CAPS: variants seen among roughly 807,000 people sequenced by gnomAD.
The protein encoded by CAPS is calcyphosine, also known as calcyphosin.
Under a neutral mutation model 15.5 loss-of-function variants are expected in CAPS, and 16 were observed. The observed-to-expected ratio is 1.03, with a 90% confidence interval of 0.70 to 1.57. The LOEUF is 1.57. Ranked by LOEUF, CAPS falls within the 40% of genes most tolerant of loss-of-function variation. CAPS has a pLI of 0.00. For missense variants in CAPS, 294 were observed against 278.4 expected, an observed-to-expected ratio of 1.06 and a Z score of -0.40; for synonymous variants, 121 against 116.0, an observed-to-expected ratio of 1.04 and a Z score of -0.28.
rs751286571 is a variant in CAPS, at chr19:5,915,132, GAGA to G, written c.457_459del (p.Lys153del). On this transcript the variant is annotated inframe_deletion, in exon 4 of 5. Coordinates refer to ENST00000588776, the MANE Select transcript of CAPS (RefSeq NM_004058.5). ...CTTCCTGGACAACTTCGACTCCTCTGAGAAGGACGGGCAGGTGGGTGGCTGCGC... is the reference window on the plus strand; with the variant it reads ...CTTCCTGGACAACTTCGACTCCTCTGAGGACGGGCAGGTGGGTGGCTGCGC... 1.1e-5 allele frequency: 18 copies of G among 1,613,082 alleles called. No individual in the cohort carries two copies. Among genetic ancestry groups the G allele is most frequent in the Middle Eastern group, 1.6e-4 (1 of 6,082 alleles).
Position 5,915,681 on chromosome 19 carries a change from G to A in CAPS, c.*359G>A. The A allele has an allele frequency of 4.2e-6, 1 of 236,406 alleles. No individual in the cohort carries two copies. The highest frequency in any genetic ancestry group is 7.7e-5 in the South Asian group (1 of 13,012). 14.6% of individuals were successfully genotyped at this position (236,406 alleles called of 1,614,324 possible). The stretch of plus-strand genomic sequence containing the variant: ...CCCTTGCGGGTCCCCCAGGAAGCCA[G>A]GTGACCCCAGGTGGGAGGCTGTGTG... On this transcript the variant is annotated 3_prime_UTR_variant, in exon 5 of 5. Transcript: ENST00000588776.
chr19:5,914,589 G>A lies in CAPS; in HGVS notation c.110G>A (p.Gly37Glu). 1 of 1,611,724 alleles carries A rather than the reference G, an allele frequency of 6.2e-7. No homozygotes were observed. Among genetic ancestry groups the A allele is most frequent in the Non-Finnish European group, 8.5e-7 (1 of 1,178,474 alleles). Reference protein sequence around the residue: ...ARFFRQLDRDGSRSLDADEFR... With the variant: ...ARFFRQLDRDESRSLDADEFR... ...TTTTTCCGCCAACTAGACCGGGACG[G>A]GAGCAGATCCCTGGACGCTGATGAG... Residue 37 changes from glycine to glutamate, a missense_variant, in exon 3 of 5, where the codon GGG (glycine) becomes GAG (glutamate). Transcript: ENST00000588776.
Position 5,914,488 on chromosome 19 carries a change from A to G in CAPS, c.82A>G (p.Arg28Gly), listed in dbSNP as rs771160421. 6.2e-7 allele frequency: 1 copy of G among 1,610,528 alleles called. No individual in the cohort carries two copies. Among genetic ancestry groups the G allele is most frequent in the East Asian group, 2.2e-5 (1 of 44,798 alleles). Residue 28 changes from arginine to glycine, a missense_variant and splice_region_variant, in exon 2 of 5, where the codon AGG becomes GGG. Physicochemically the swap from Arg to Gly is moderately radical, Grantham distance 125. Coordinates refer to ENST00000588776, the MANE Select transcript of CAPS (RefSeq NM_004058.5). Reference protein sequence around the residue: ...RGASGIQGLARFFRQLDRDGS... With the variant: ...RGASGIQGLAGFFRQLDRDGS... Reference sequence around the variant, plus strand: ...GGCCTCGGGCATCCAGGGCCTGGCCAGGTGAGCTGTCCCCTCTCACCTTCC... The same window carrying G: ...GGCCTCGGGCATCCAGGGCCTGGCCGGGTGAGCTGTCCCCTCTCACCTTCC...
At position 5,914,429 on chromosome 19, in the gene CAPS, T is replaced by C. The variant is rs985253258; in HGVS notation, c.23T>C (p.Met8Thr). The part of the protein sequence containing the change: MDAVDAT[M>T]EKLRAQCLSR... ...AGCATGGACGCCGTGGATGCCACCA[T>C]GGAGAAACTCCGGGCACAGTGCCTG... The change falls in exon 2 of 5, where the codon ATG becomes ACG. Residue 8 changes from methionine (M) to threonine (T), a missense_variant. By Grantham distance (81) the Met-to-Thr change is moderately conservative. Coordinates refer to ENST00000588776, the MANE Select transcript of CAPS (RefSeq NM_004058.5). 4 of 1,613,106 alleles carry C rather than the reference T, an allele frequency of 2.5e-6. No individual in the cohort carries two copies. Among genetic ancestry groups the C allele is most frequent in the Non-Finnish European group, 2.5e-6 (3 of 1,179,954 alleles).
chr19:5,914,892 G>A (rs2057718384), intron 3 of CAPS, 48 bp from the exon 4 acceptor site: 1 of 1,570,696 alleles, frequency 6.4e-7, no homozygotes, highest in Non-Finnish European at 8.6e-7. Flanking sequence ...GCGTCTTGGG[G>A]GTTTGGGTGT....
At position 5,915,161 on chromosome 19, in the gene CAPS, G is replaced by T. The variant is rs774366755; in HGVS notation, c.468+15G>T. 1 of 1,611,374 alleles carries T rather than the reference G, an allele frequency of 6.2e-7. No homozygotes were observed. The highest frequency in any genetic ancestry group is 8.5e-7 in the Non-Finnish European group (1 of 1,178,868). ...AGGACGGGCAGGTGGGTGGCTGCGC[G>T]GGGGGCCCCCTCCCCAGGCAGTTCC... is the stretch of plus-strand genomic sequence containing the variant. On this transcript the variant is annotated intron_variant, in intron 4 of 4. Coordinates refer to ENST00000588776, the MANE Select transcript of CAPS (RefSeq NM_004058.5).
At chr19:5,914,825 C>CT in intron 3 of CAPS, 85 bp downstream of exon 3, 23 of 1,543,116 alleles carry the variant, frequency 1.5e-5, no homozygotes, top group Non-Finnish European at 2.0e-5. Context: ...GGACTCCTCC[C>CT]TAAGAGCTGC....
Position 5,915,310 on chromosome 19 carries a change from C to T in CAPS, c.558C>T (p.Ala186=), listed in dbSNP as rs779105229. Residue 186 remains alanine, a synonymous_variant, in exon 5 of 5, where the codon GCC becomes GCT. Coordinates refer to ENST00000588776, the MANE Select transcript of CAPS (RefSeq NM_004058.5). ...DEEFVAMMTS[A]WQL ...AGTTCGTGGCCATGATGACCAGTGC[C>T]TGGCAGCTGTGAGCAGCTCCGGCTC... The T allele has an allele frequency of 2.5e-6, 4 of 1,609,902 alleles. No individual in the cohort carries two copies. In the South Asian group the frequency reaches 4.4e-5, roughly 18 times the overall value.
chr19:5,915,331 G>A lies in CAPS; in HGVS notation c.*9G>A, dbSNP rs531295422. 28 of 1,592,752 alleles carry A rather than the reference G, an allele frequency of 1.8e-5. No homozygotes were observed. The highest frequency in any genetic ancestry group is 2.7e-5 in the African/African-American group (2 of 74,674). On this transcript the variant is annotated 3_prime_UTR_variant, in exon 5 of 5. Coordinates refer to ENST00000588776, the MANE Select transcript of CAPS (RefSeq NM_004058.5). ...GTGCCTGGCAGCTGTGAGCAGCTCCGGCTCAGCCCTGCTGCCCTGGCCTGT... is the reference window on the plus strand; with the variant it reads ...GTGCCTGGCAGCTGTGAGCAGCTCCAGCTCAGCCCTGCTGCCCTGGCCTGT...
chr19:5,915,283 G>A lies in CAPS; in HGVS notation c.531G>A (p.Glu177=), dbSNP rs2057724560. ...SGVSASMNTD[E]EFVAMMTSAW... ...TGAGTGCCTCCATGAACACGGATGA[G>A]GAGTTCGTGGCCATGATGACCAGTG... Residue 177 remains glutamate (E), a synonymous_variant, in exon 5 of 5, where the codon GAG becomes GAA. Coordinates refer to ENST00000588776, the MANE Select transcript of CAPS (RefSeq NM_004058.5). 1 of 1,612,380 alleles carries A rather than the reference G, an allele frequency of 6.2e-7. No individual in the cohort carries two copies. Among genetic ancestry groups the A allele is most frequent in the South Asian group, 1.1e-5 (1 of 91,038 alleles).
At position 5,914,951 on chromosome 19, in the gene CAPS, C is replaced by A; in HGVS notation, c.273C>A (p.Ser91=). The change falls in exon 4 of 5, where the codon TCC becomes TCA. Residue 91 remains serine (S), a synonymous_variant. Transcript: ENST00000588776. ...EFLRALRPPM[S]QAREAVIAAA... ...ACCTCCTGTCCCAGCCCCCCATGTC[C>A]CAGGCCCGGGAGGCTGTCATCGCAG... 1 of 1,604,928 alleles carries A rather than the reference C, an allele frequency of 6.2e-7. No homozygotes were observed.
At position 5,915,501 on chromosome 19, in the gene CAPS, T is replaced by TG. The variant is rs1568439028; in HGVS notation, c.*182dup. The TG allele has an allele frequency of 5.1e-6, 3 of 593,558 alleles. No homozygotes were observed. The highest frequency in any genetic ancestry group is 9.0e-6 in the Non-Finnish European group (3 of 334,532). 36.8% of individuals were successfully genotyped at this position (593,558 alleles called of 1,614,324 possible). A position where few individuals can be genotyped will look rare whatever the true frequency, so the allele number is the denominator to read the frequency against. ...TCCCTGCCGGTCCACCAGGCGGAGG[T>TG]GGGACAAAGGTCCTAACAGGAGTCA... On this transcript the variant is annotated 3_prime_UTR_variant, in exon 5 of 5. Transcript: ENST00000588776.
At position 5,914,447 on chromosome 19, in the gene CAPS, A is replaced by T. The variant is rs752715999; in HGVS notation, c.41A>T (p.Gln14Leu). The T allele has an allele frequency of 1.9e-6, 3 of 1,612,978 alleles. No homozygotes were observed. In the East Asian group the frequency reaches 6.7e-5, roughly 36 times the overall value. The change falls in exon 2 of 5, where the codon CAG becomes CTG. Residue 14 changes from glutamine (Q) to leucine (L), a missense_variant. Coordinates refer to ENST00000588776, the MANE Select transcript of CAPS (RefSeq NM_004058.5). ...VDATMEKLRA[Q>L]CLSRGASGIQ... ...GCCACCATGGAGAAACTCCGGGCAC[A>T]GTGCCTGTCCCGCGGGGCCTCGGGC...
Position 5,915,542 on chromosome 19 carries a change from AG to A in CAPS, c.*223del. 2 of 535,590 alleles carry A rather than the reference AG, an allele frequency of 3.7e-6. No homozygotes were observed. Among genetic ancestry groups the A allele is most frequent in the South Asian group, 2.5e-5 (1 of 40,330 alleles). The allele number at this position is 535,590 out of a possible 1,614,324, so 33.2% of individuals were successfully genotyped here. On this transcript the variant is annotated 3_prime_UTR_variant, in exon 5 of 5. Transcript: ENST00000588776. The stretch of plus-strand genomic sequence containing the variant: ...ACAGGAGTCACTGGCTCAGGACCCC[AG>A]GGAGAAACGCTCTCCCCACCCACGC...
intron 3 of CAPS, 40 bp downstream of exon 3, chr19:5,914,780 A>G (rs760179767): frequency 6.3e-7 from 1 of 1,580,906 alleles, no homozygotes; most frequent in South Asian, 1.2e-5. Context: ...TGCCCTGGGC[A>G]TGGGGCGACA....
Position 5,915,022 on chromosome 19 carries a change from T to A in CAPS, c.344T>A (p.Val115Glu). Residue 115 changes from valine to glutamate, a missense_variant, in exon 4 of 5, where the codon GTG becomes GAG. Physicochemically the swap from Val to Glu is moderately radical, Grantham distance 121. Transcript: ENST00000588776. ...LDRSGDGVVT[V>E]DDLRGVYSGR... ...CGCAGTGGGGACGGCGTCGTGACGG[T>A]GGACGACCTCCGCGGGGTGTACAGT... 1.2e-6 allele frequency: 2 copies of A among 1,612,346 alleles called. No individual in the cohort carries two copies. The highest frequency in any genetic ancestry group is 1.7e-6 in the Non-Finnish European group (2 of 1,179,912).
chr19:5,915,935 G>GCAGACCGGCGGGGC lies in CAPS; in HGVS notation c.*615_*628dup, dbSNP rs1250599491. 1 of 153,586 alleles carries GCAGACCGGCGGGGC rather than the reference G, an allele frequency of 6.5e-6. No homozygotes were observed. The highest frequency in any genetic ancestry group is 2.0e-4 in the South Asian group (1 of 4,898). The allele number at this position is 153,586 out of a possible 1,614,324, so 9.5% of individuals were successfully genotyped here. On this transcript the variant is annotated 3_prime_UTR_variant, in exon 5 of 5. Transcript: ENST00000588776. ...CCGAGGCTGGGAGCTCTGGGCGGGG[G>GCAGACCGGCGGGGC]CAGACCGGCGGGGCCTTGCAGCAGG...
chr19:5,914,947 TGTC>T lies in CAPS; in HGVS notation c.270_272del (p.Met90_Ser91delinsIle). The T allele has an allele frequency of 3.7e-6, 6 of 1,604,224 alleles. No individual in the cohort carries two copies. Among genetic ancestry groups the T allele is most frequent in the Non-Finnish European group, 5.1e-6 (6 of 1,179,296 alleles). On this transcript the variant is annotated inframe_deletion, in exon 4 of 5. Transcript: ENST00000588776. ...CACCACCTCCTGTCCCAGCCCCCCATGTCCCAGGCCCGGGAGGCTGTCATCGCA... is the reference window on the plus strand; with the variant it reads ...CACCACCTCCTGTCCCAGCCCCCCATCCAGGCCCGGGAGGCTGTCATCGCA...
Position 5,914,969 on chromosome 19 carries a change from C to T in CAPS, c.291C>T (p.Val97=). Residue 97 remains valine, a synonymous_variant, in exon 4 of 5, where the codon GTC becomes GTT. Coordinates refer to ENST00000588776, the MANE Select transcript of CAPS (RefSeq NM_004058.5). Reference sequence around the variant, plus strand: ...CCATGTCCCAGGCCCGGGAGGCTGTCATCGCAGCTGCATTTGCCAAGCTGG... The same window carrying T: ...CCATGTCCCAGGCCCGGGAGGCTGTTATCGCAGCTGCATTTGCCAAGCTGG... ...RPPMSQAREA[V]IAAAFAKLDR... 1 of 1,608,486 alleles carries T rather than the reference C, an allele frequency of 6.2e-7. No homozygotes were observed. Among genetic ancestry groups the T allele is most frequent in the Non-Finnish European group, 8.5e-7 (1 of 1,179,854 alleles).
Sources: gnomAD v4.1 joint callset for allele counts on GRCh38, gnomAD v4.1.1 for gene constraint, MANE v1.5 for transcripts, NCBI Gene and HGNC (gene_info 2026-07-23, HGNC 2026-07-21) for gene names.